The following RAB43 variants were observed in gnomAD, a reference collection of about 807,000 sequenced individuals.
RAB43 encodes ras-related protein Rab-43.
A neutral mutation model predicts 18.8 loss-of-function variants in RAB43; 6 were observed. The ratio of observed to expected loss-of-function variants is 0.32; its 90% CI spans 0.17 to 0.63. RAB43 has a LOEUF of 0.63. Ranked by LOEUF, RAB43 falls within the 30% of genes least tolerant of loss-of-function variation. The pLI is 0.79. For synonymous variants in RAB43, 103 were observed against 124.1 expected, an observed-to-expected ratio of 0.83 and a Z score of 1.13; for missense variants, 195 against 289.1, an observed-to-expected ratio of 0.67 and a Z score of 2.36.
intron 1 of RAB43, among the ~76,000 whole-genome samples, chr3:129,097,139 G>T (rs1420044883): frequency 2.0e-5 from 3 of 151,902 alleles, no homozygotes; most frequent in African/African-American, 7.3e-5. Flanking sequence ...GAAAAGAAAA[G>T]AAAATTAAGA....
chr3:129,114,341 A>T (rs1576846118), intron 1 of RAB43, among the ~76,000 whole-genome samples: 1 of 152,242 alleles, frequency 6.6e-6, no homozygotes, highest in East Asian at 1.9e-4. Context: ...TTGCGGTAGT[A>T]GGAGAGGGCA....
At chr3:129,094,477 C>T (rs1277280815) in intron 2 of RAB43, among the ~76,000 whole-genome samples, 1 of 145,744 alleles carries the variant, frequency 6.9e-6, no homozygotes, top group Admixed American at 6.9e-5. Context: ...TTCTTCTTTC[C>T]TCTAATTCCA....
chr3:129,098,539 G>A (rs1035567539), intron 1 of RAB43, among the ~76,000 whole-genome samples: 1 of 152,014 alleles, frequency 6.6e-6, no homozygotes, highest in African/African-American at 2.4e-5. Context: ...AGGAAAATAT[G>A]AACCACAGAT....
chr3:129,099,378 A>G (rs1934271563), intron 1 of RAB43, among the ~76,000 whole-genome samples: 1 of 147,286 alleles, frequency 6.8e-6, no homozygotes, highest in Admixed American at 6.8e-5. Flanking sequence ...GGCGTGAGCC[A>G]CCGCGCCTGG....
rs1011598769 is a variant in RAB43 at position 129,121,614 on chromosome 3, C to T, written c.-125G>A. 6.3e-5 allele frequency: 47 copies of T among 742,730 alleles called. No homozygotes were observed. The African/African-American group carries it at 8.7e-4, about 14-fold the overall frequency. 46.0% of individuals were successfully genotyped at this position (742,730 alleles called of 1,614,324 possible). Reference sequence around the variant, plus strand: ...GCCTGGCTACGTGGAGCCGCCGCAACACCTGAACCCCCAGCACTGCCGACC... The same window carrying T: ...GCCTGGCTACGTGGAGCCGCCGCAATACCTGAACCCCCAGCACTGCCGACC... On this transcript the variant is annotated 5_prime_UTR_variant, in exon 1 of 3. Transcript: ENST00000315150.
chr3:129,093,931 T>C (rs997219855), intron 2 of RAB43, among the ~76,000 whole-genome samples: 2 of 152,224 alleles, frequency 1.3e-5, no homozygotes, highest in Non-Finnish European at 2.9e-5. Context: ...TGAGTAAGAC[T>C]CTGTCTCAAA....
At chr3:129,114,353 A>G (rs977145053) in intron 1 of RAB43, among the ~76,000 whole-genome samples, 2 of 152,160 alleles carry the variant, frequency 1.3e-5, no homozygotes, top group African/African-American at 4.8e-5. Context: ...GAGAGGGCAC[A>G]AGACAGCAAT....
intron 1 of RAB43, among the ~76,000 whole-genome samples, chr3:129,116,291 A>G (rs753502667): frequency 7.9e-5 from 12 of 152,184 alleles, no homozygotes; most frequent in Non-Finnish European, 1.5e-4. Context: ...TCTCCACCAG[A>G]CATGCTGTCT....
intron 1 of RAB43, among the ~76,000 whole-genome samples, chr3:129,096,126 A>G (rs558749122): frequency 2.9e-4 from 44 of 152,346 alleles, no homozygotes; most frequent in East Asian, 2.7e-3. Context: ...CCCCCTTTGC[A>G]GGCACAAACA....
At position 129,121,694 on chromosome 3, in the gene RAB43, C is replaced by T. The variant is rs1179008752; in HGVS notation, c.-205G>A. Reference sequence around the variant, plus strand: ...CCGGCTGGCTCCCGCCCCGGCCCGGCTCGGCCCCGCCCGGACCCGGTGCCC... The same window carrying T: ...CCGGCTGGCTCCCGCCCCGGCCCGGTTCGGCCCCGCCCGGACCCGGTGCCC... On this transcript the variant is annotated 5_prime_UTR_variant, in exon 1 of 3. Transcript: ENST00000315150. 23 of 355,014 alleles carry T rather than the reference C, an allele frequency of 6.5e-5. No homozygotes were observed. Among genetic ancestry groups the T allele is most frequent in the Non-Finnish European group, 1.1e-4 (22 of 202,186 alleles). 22.0% of individuals were successfully genotyped at this position (355,014 alleles called of 1,614,324 possible). A position where few individuals can be genotyped will look rare whatever the true frequency, so the allele number is the denominator to read the frequency against.
At chr3:129,106,526 C>A (rs1025833213) in intron 1 of RAB43, among the ~76,000 whole-genome samples, 1 of 152,168 alleles carries the variant, frequency 6.6e-6, no homozygotes, top group Non-Finnish European at 1.5e-5. Flanking sequence ...CTGTGAAGCA[C>A]CATGGTAAGA....
intron 2 of RAB43, among the ~76,000 whole-genome samples, chr3:129,094,505 CTTTTTT>C (rs200896936): frequency 4.8e-3 from 335 of 69,102 alleles, no homozygotes; most frequent in Non-Finnish European, 6.1e-3. Context: ...ATATAACTTT[CTTTTTT>C]TTTTTTTTTT....
At chr3:129,113,094 CAAAG>C (rs1212957939) in intron 1 of RAB43, among the ~76,000 whole-genome samples, 1 of 151,836 alleles carries the variant, frequency 6.6e-6, no homozygotes, top group African/African-American at 2.4e-5. Context: ...TACAATTACT[CAAAG>C]AGATGACTCT....
chr3:129,108,720 T>C (rs1047404942), intron 1 of RAB43, among the ~76,000 whole-genome samples: 2 of 152,178 alleles, frequency 1.3e-5, no homozygotes, highest in African/African-American at 4.8e-5. Flanking sequence ...ACTGGTCTGG[T>C]GCTCCAAATG....
intron 1 of RAB43, among the ~76,000 whole-genome samples, chr3:129,099,854 G>A (rs993012394): frequency 6.6e-6 from 1 of 152,044 alleles, no homozygotes; most frequent in Non-Finnish European, 1.5e-5. Context: ...AAAGATTGAA[G>A]AAAATGAATA....
chr3:129,095,426 T>A lies in RAB43; in HGVS notation c.205-257A>T, dbSNP rs575329202. Among the ~76,000 whole-genome samples the A allele has an allele frequency of 6.6e-6, 1 of 152,242 alleles. No homozygotes were observed. Among genetic ancestry groups the A allele is most frequent in the East Asian group, 1.9e-4 (1 of 5,184 alleles). On this transcript the variant is annotated intron_variant, in intron 1 of 2. Coordinates refer to ENST00000315150, the MANE Select transcript of RAB43 (RefSeq NM_198490.3). This position sits in a 1 kb window ranked among gnomAD's most constrained non-coding sequence, Gnocchi z 4.2. ...GGGGTACACTCTGAGCTGACCCAGG[T>A]CCTCCGCGTGCCCCTCCGTGTGCCC...
intron 2 of RAB43, 101 bp downstream of exon 2, chr3:129,094,885 G>T: frequency 6.9e-7 from 1 of 1,449,386 alleles, no homozygotes; most frequent in Non-Finnish European, 9.2e-7. Context: ...CTCTGGCTGG[G>T]ACTCCCTCTG....
At position 129,094,505 on chromosome 3, in the gene RAB43, CTTTTTTTTTTTTT is replaced by C. The variant is rs200896936; in HGVS notation, c.388+468_388+480del. 2.8e-3 allele frequency among the ~76,000 whole-genome samples: 197 copies of C among 69,154 alleles called. 2 individuals carry two copies. The highest frequency in any genetic ancestry group is 0.019 in the Middle Eastern group (1 of 54). 45.4% of individuals were successfully genotyped at this position (69,154 alleles called of 152,430 possible). On this transcript the variant is annotated intron_variant, in intron 2 of 2. Transcript: ENST00000315150. ...TAATTCCAATTTTGAATATAACTTT[CTTTTTTTTTTTTT>C]TTTTTTTTTTTTTTTGAGACGAATC...
Position 129,090,603 on chromosome 3 carries a change from G to A in RAB43, c.*493C>T, listed in dbSNP as rs1242969422. On this transcript the variant is annotated 3_prime_UTR_variant, in exon 3 of 3. Transcript: ENST00000315150. ...CAGGTTCCCCGCCTGGAAGGGGCTG[G>A]GGCTTCCCTGGAGCTGCGCTCAGGC... is the stretch of plus-strand genomic sequence containing the variant. The A allele has an allele frequency of 6.3e-6, 1 of 157,734 alleles. No homozygotes were observed. Among genetic ancestry groups the A allele is most frequent in the Non-Finnish European group, 1.4e-5 (1 of 71,988 alleles). 9.8% of individuals were successfully genotyped at this position (157,734 alleles called of 1,614,324 possible).
Sources: allele counts gnomAD v4.1 joint callset (sites outside exome capture counted in the v4.1 genomes callset), GRCh38; gene constraint gnomAD v4.1.1; non-coding constraint Gnocchi (gnomAD v3.1); transcripts MANE v1.5; gene names NCBI Gene and HGNC (gene_info 2026-07-23, HGNC 2026-07-21).